Variants in FAM118A observed in about 807,000 individuals in gnomAD.
FAM118A encodes the protein SIR2 antiphage like 2.
A neutral mutation model predicts 38.2 loss-of-function variants in FAM118A; 25 were observed. The observed-to-expected ratio is 0.65, with a 90% CI of 0.48 to 0.91. The LOEUF (loss-of-function observed/expected upper bound fraction) is 0.91, where lower values mean the gene tolerates loss of function less well. Ranked by LOEUF, FAM118A falls within the 40% of genes least tolerant of loss-of-function variation. FAM118A has a pLI of 0.00. For synonymous variants in FAM118A, 178 were observed against 184.1 expected (o/e 0.97, Z 0.27); for missense variants, 425 against 463.3 (o/e 0.92, Z 0.76).
intron 6 of FAM118A, 46 bp downstream of exon 6, chr22:45,332,756 T>G: frequency 3.9e-6 from 6 of 1,523,196 alleles, no homozygotes; most frequent in Non-Finnish European, 5.3e-6. Context: ...TTTTTCTTTT[T>G]TTTTTTTGAG....
At chr22:45,330,423 A>G (rs2085622625) in intron 4 of FAM118A, 180 bp from the exon 5 acceptor site, 2 of 561,418 alleles carry the variant, frequency 3.6e-6, no homozygotes. Flanking sequence ...GGACGGGAAT[A>G]ACTAGGGCTC....
intron 6 of FAM118A, 49 bp from the exon 7 acceptor site, chr22:45,335,301 C>T (rs738176): frequency 0.55 from 889,141 of 1,610,450 alleles, 259,181 homozygotes; most frequent in Non-Finnish European, 0.61. Context: ...CCGAGGAGGA[C>T]GAGCTCTTGG....
chr22:45,318,435 G>A (rs996604516), intron 1 of FAM118A: 1 of 152,204 alleles, frequency 6.6e-6, no homozygotes, highest in Admixed American at 6.5e-5. Context: ...TGTTTTCTGG[G>A]ATCTGATTGG....
intron 3 of FAM118A, among the ~76,000 whole-genome samples, chr22:45,325,964 G>A (rs990764978): frequency 6.6e-6 from 1 of 152,136 alleles, no homozygotes; most frequent in Non-Finnish European, 1.5e-5. Context: ...CAGACCCCCT[G>A]GGAACAGTGG....
chr22:45,325,348 A>G (rs1034059089), intron 3 of FAM118A, among the ~76,000 whole-genome samples: 5 of 152,206 alleles, frequency 3.3e-5, no homozygotes, highest in Non-Finnish European at 5.9e-5. Context: ...GAGAACAGGC[A>G]TGGGGGAAGC....
chr22:45,332,639 G>C lies in FAM118A; in HGVS notation c.866G>C (p.Gly289Ala). 1 of 1,614,216 alleles carries C rather than the reference G, an allele frequency of 6.2e-7. No homozygotes were observed. Among genetic ancestry groups the C allele is most frequent in the Non-Finnish European group, 8.5e-7 (1 of 1,180,030 alleles). Residue 289 changes from glycine (G) to alanine (A), a missense_variant, in exon 6 of 9, where the codon GGG (glycine) becomes GCG (alanine). Transcript: ENST00000441876. ...CACGGAATCAAAGTTGTATCCTACG[G>C]GGACTGTTTTGACCACTTTCCAGGA... is the stretch of plus-strand genomic sequence containing the variant. ...LLHGIKVVSYGDCFDHFPGYV... is the reference protein window; with the variant it reads ...LLHGIKVVSYADCFDHFPGYV...
intron 7 of FAM118A, 148 bp from the exon 8 acceptor site, chr22:45,336,178 CTT>C: frequency 1.7e-6 from 1 of 580,424 alleles, no homozygotes; most frequent in Non-Finnish European, 3.0e-6. Context: ...GCATGGCTCT[CTT>C]TGGAGAGAAG....
rs766402586 is a variant in FAM118A, at chr22:45,323,229, C to T, written c.102C>T (p.Ile34=). The part of the protein sequence containing the change: ...RKQPQELLLV[I]GTGVSAAVAP... The stretch of plus-strand genomic sequence containing the variant: ...AGCCCCAGGAACTGCTCCTGGTTAT[C>T]GGGACTGGCGTCAGCGCAGCAGTGG... Residue 34 remains isoleucine, a synonymous_variant, in exon 3 of 9, where the codon ATC becomes ATT. Transcript: ENST00000441876. 1.3e-5 allele frequency: 21 copies of T among 1,614,016 alleles called. No homozygotes were observed. The highest frequency in any genetic ancestry group is 1.1e-4 in the East Asian group (5 of 44,894).
chr22:45,310,604 C>T (rs958353743), intron 1 of FAM118A, among the ~76,000 whole-genome samples: 1 of 152,174 alleles, frequency 6.6e-6, no homozygotes, highest in Admixed American at 6.5e-5. Context: ...CCGACCTGAT[C>T]TCAGGGCTAG....
At chr22:45,338,614 T>C (rs1430342474) in intron 8 of FAM118A, among the ~76,000 whole-genome samples, 1 of 152,268 alleles carries the variant, frequency 6.6e-6, no homozygotes, top group African/African-American at 2.4e-5. Context: ...AACCTGGTTA[T>C]CTGACTCTAC....
At chr22:45,337,954 C>G (rs950968955) in intron 8 of FAM118A, 3 of 950,288 alleles carry the variant, frequency 3.2e-6, no homozygotes, top group Non-Finnish European at 3.8e-6. Context: ...GGAACCTGTT[C>G]CCAGTGATTT....
chr22:45,322,105 C>T, intron 1 of FAM118A: 1 of 1,203,022 alleles, frequency 8.3e-7, no homozygotes, highest in Non-Finnish European at 1.1e-6. Context: ...CCTTCATCTG[C>T]TCCTGTGTGT....
chr22:45,338,589 C>G (rs1394730690), intron 8 of FAM118A, among the ~76,000 whole-genome samples: 1 of 152,208 alleles, frequency 6.6e-6, no homozygotes, highest in Non-Finnish European at 1.5e-5. Context: ...TGCGAGAACT[C>G]TGGAGACAGA....
At chr22:45,310,966 G>A (rs778490834) in intron 1 of FAM118A, among the ~76,000 whole-genome samples, 3 of 152,304 alleles carry the variant, frequency 2.0e-5, no homozygotes, top group African/African-American at 4.8e-5. Context: ...ATTGACACTG[G>A]AAATAGAGAT....
intron 6 of FAM118A, 81 bp from the exon 7 acceptor site, chr22:45,335,269 C>T (rs1335079854): frequency 6.5e-7 from 1 of 1,540,820 alleles, no homozygotes. Flanking sequence ...CCCTGCCGTT[C>T]CCAGTCACTG....
intron 1 of FAM118A, chr22:45,318,564 G>A (rs1282826165): frequency 6.6e-6 from 1 of 152,182 alleles, no homozygotes. Flanking sequence ...TAAAAACAAG[G>A]GGGAGATTTA....
chr22:45,334,780 A>C (rs1447250425), intron 6 of FAM118A, among the ~76,000 whole-genome samples: 1 of 152,168 alleles, frequency 6.6e-6, no homozygotes, highest in Non-Finnish European at 1.5e-5. Context: ...ACCGGCCCAC[A>C]TGTGTGGCTC....
In FAM118A at chr22:45,336,307, TAATA is replaced by T. The variant is rs760268229; in HGVS notation, c.971-17_971-14del. 25 of 1,596,424 alleles carry T rather than the reference TAATA, an allele frequency of 1.6e-5. No homozygotes were observed. The South Asian group carries it at 2.7e-4, about 17-fold the overall frequency. On this transcript the variant is annotated splice_polypyrimidine_tract_variant and intron_variant, in intron 7 of 8. Transcript: ENST00000441876. ...GTGGATTCTGAATAAACAAGCTTCT[TAATA>T]AATTCTTCTCTTTTAGGTAATGCAT...
At position 45,327,947 on chromosome 22, in the gene FAM118A, A is replaced by C. The variant is rs746832390; in HGVS notation, c.406A>C (p.Ser136Arg). ...RSPVVLQSIL[S>R]LMDRGAMVLT... ...TCCTGTGGTGCTGCAGTCGATCCTC[A>C]GCCTGATGGACAGGGGCGCCATGGT... The change falls in exon 4 of 9, where the codon AGC becomes CGC. Residue 136 changes from serine to arginine, a missense_variant. Transcript: ENST00000441876. 6.2e-7 allele frequency: 1 copy of C among 1,614,218 alleles called. No homozygotes were observed. The highest frequency in any genetic ancestry group is 1.1e-5 in the South Asian group (1 of 91,086).
Sources: gnomAD v4.1 joint callset for allele counts (sites outside exome capture counted in the v4.1 genomes callset) on GRCh38, gnomAD v4.1.1 for gene constraint, MANE v1.5 for transcripts, NCBI Gene and HGNC (gene_info 2026-07-23, HGNC 2026-07-21) for gene names.